MYO18A: variants seen among roughly 807,000 people sequenced by gnomAD.
MYO18A encodes the protein myosin XVIIIA.
A neutral mutation model predicts 235.8 loss-of-function variants in MYO18A; 78 were observed. That is an observed-to-expected ratio of 0.33 (90% CI 0.28 to 0.40). The LOEUF is 0.40. Among genes scored for constraint, MYO18A ranks in the 10% least tolerant of loss-of-function variants. MYO18A has a pLI of 1.00. For missense variants in MYO18A, 2,215 were observed against 2,699.3 expected (o/e 0.82, Z 3.98); for synonymous variants, 977 against 1,077.8 (o/e 0.91, Z 1.83).
chr17:29,160,924 A>C (rs78438131), intron 2 of MYO18A, among the ~76,000 whole-genome samples: 3,214 of 152,284 alleles, frequency 0.021, 48 homozygotes, highest in Non-Finnish European at 0.036. Flanking sequence ...ACATTCTCAA[A>C]AGCTCAGGGA....
intron 2 of MYO18A, among the ~76,000 whole-genome samples, chr17:29,143,176 G>A (rs943295300): frequency 6.6e-6 from 1 of 152,156 alleles, no homozygotes; most frequent in African/African-American, 2.4e-5. Context: ...GTTATTACAT[G>A]GGTTAAAAGA....
chr17:29,119,511 T>C, intron 7 of MYO18A, 76 bp from the exon 8 acceptor site: 1 of 1,031,638 alleles, frequency 9.7e-7, no homozygotes, highest in Non-Finnish European at 1.4e-6. Context: ...TAAGAAGGAA[T>C]CAAACACATG....
chr17:29,082,304 C>T lies in MYO18A; in HGVS notation c.6020+12G>A. On this transcript the variant is annotated intron_variant, in intron 41 of 41. Coordinates refer to ENST00000527372, the MANE Select transcript of MYO18A (RefSeq NM_078471.4). Reference sequence around the variant, plus strand: ...GGTGGCTTTTCCTCCCAGCTCAAGGCCATATGCTCACCTGGAACTCTTTAA... The same window carrying T: ...GGTGGCTTTTCCTCCCAGCTCAAGGTCATATGCTCACCTGGAACTCTTTAA... 1.2e-6 allele frequency: 2 copies of T among 1,613,772 alleles called. No individual in the cohort carries two copies. The highest frequency in any genetic ancestry group is 8.5e-7 in the Non-Finnish European group (1 of 1,179,740).
chr17:29,088,117 G>A (rs903318775), intron 37 of MYO18A, among the ~76,000 whole-genome samples: 4 of 147,512 alleles, frequency 2.7e-5, no homozygotes, highest in African/African-American at 7.6e-5. Flanking sequence ...GCAGTGGCGC[G>A]ATCTCCGCTC....
intron 7 of MYO18A, among the ~76,000 whole-genome samples, chr17:29,119,804 T>A (rs2067154930): frequency 6.6e-6 from 1 of 152,086 alleles, no homozygotes; most frequent in South Asian, 2.1e-4. Flanking sequence ...CCTCAGGTGA[T>A]CCACCCACCT....
chr17:29,137,886 T>C (rs1335179476), intron 2 of MYO18A, among the ~76,000 whole-genome samples: 1 of 152,200 alleles, frequency 6.6e-6, no homozygotes, highest in Non-Finnish European at 1.5e-5. Flanking sequence ...ATGTATTTGT[T>C]ACTTACTGCT....
At chr17:29,086,899 C>T (rs1437309294) in intron 38 of MYO18A, 37 bp downstream of exon 38, 1 of 1,582,848 alleles carries the variant, frequency 6.3e-7, no homozygotes, top group Non-Finnish European at 8.6e-7. Context: ...ACTCAAGGGG[C>T]TGCCATGTGG....
intron 21 of MYO18A, among the ~76,000 whole-genome samples, chr17:29,101,033 T>A (rs1206661851): frequency 2.6e-5 from 4 of 152,254 alleles, no homozygotes; most frequent in Non-Finnish European, 5.9e-5. Flanking sequence ...AGTCTTGCTC[T>A]GTCACCCAGG....
At chr17:29,080,501 G>T in intron 41 of MYO18A, 3 of 986,122 alleles carry the variant, frequency 3.0e-6, no homozygotes, top group Non-Finnish European at 3.6e-6. Flanking sequence ...GGGCTCTCCC[G>T]GCCTAGGCCA....
chr17:29,084,583 G>C (rs558444659), intron 40 of MYO18A, among the ~76,000 whole-genome samples: 9 of 152,324 alleles, frequency 5.9e-5, no homozygotes, highest in African/African-American at 1.7e-4. Context: ...AGTTAACGGG[G>C]AGCCGAATCA....
chr17:29,128,305 C>T, intron 2 of MYO18A: 1 of 1,219,172 alleles, frequency 8.2e-7, no homozygotes, highest in Non-Finnish European at 1.0e-6. Flanking sequence ...CCTTGGCATT[C>T]CCAAGCTCCT....
Position 29,111,903 on chromosome 17 carries a change from C to G in MYO18A, c.2599-40G>C, listed in dbSNP as rs1253256156. ...GGAAATCCCTCCTTGTCATATGGAG[C>G]TGTGGGAAAGGGGCCAGGGTGGTGC... is the stretch of plus-strand genomic sequence containing the variant. On this transcript the variant is annotated intron_variant, in intron 15 of 41. Transcript: ENST00000527372. The surrounding 1 kb of genome is among the most constrained non-coding windows in gnomAD (Gnocchi z 5.1). 6.3e-7 allele frequency: 1 copy of G among 1,589,316 alleles called. No homozygotes were observed. Among genetic ancestry groups the G allele is most frequent in the Non-Finnish European group, 8.6e-7 (1 of 1,167,220 alleles).
At chr17:29,114,850 G>A (rs1240867982) in intron 14 of MYO18A, 57 bp downstream of exon 14, 64 of 1,541,528 alleles carry the variant, frequency 4.2e-5, no homozygotes, top group Admixed American at 7.3e-5. Flanking sequence ...AGATGCCCTC[G>A]CTGTGGGTGC....
At chr17:29,122,738 C>G (rs1317357544) in intron 2 of MYO18A, among the ~76,000 whole-genome samples, 1 of 152,244 alleles carries the variant, frequency 6.6e-6, no homozygotes. Context: ...TGGGAGAGGG[C>G]ATGTCCTCAG....
At chr17:29,108,090 G>T (rs1055365607) in intron 19 of MYO18A, among the ~76,000 whole-genome samples, 5 of 151,956 alleles carry the variant, frequency 3.3e-5, no homozygotes, top group African/African-American at 1.2e-4. Context: ...TATCTCGAAT[G>T]GTAGTCATGG....
chr17:29,149,887 T>C (rs1420309676), intron 2 of MYO18A, among the ~76,000 whole-genome samples: 2 of 152,244 alleles, frequency 1.3e-5, no homozygotes, highest in Non-Finnish European at 2.9e-5. Context: ...ATGTACCACA[T>C]GCACTATGTT....
chr17:29,092,775 T>G lies in MYO18A; in HGVS notation c.5073+80A>C, dbSNP rs994455183. ...TCCTTCCCAAGGACTCAAGAACCACTGAGAGGAGCGAGAGAGAGAAAGAGA... is the reference window on the plus strand; with the variant it reads ...TCCTTCCCAAGGACTCAAGAACCACGGAGAGGAGCGAGAGAGAGAAAGAGA... On this transcript the variant is annotated intron_variant, in intron 33 of 41. Transcript: ENST00000527372. The G allele has an allele frequency of 1.0e-5, 16 of 1,552,068 alleles. No individual in the cohort carries two copies. The Admixed American group carries it at 2.0e-4, about 19-fold the overall frequency.
intron 2 of MYO18A, among the ~76,000 whole-genome samples, chr17:29,163,338 G>T (rs556059375): frequency 6.6e-6 from 1 of 152,308 alleles, no homozygotes; most frequent in Admixed American, 6.5e-5. Flanking sequence ...GCTCACCCTG[G>T]TCCTCTCTGC....
At position 29,103,860 on chromosome 17, in the gene MYO18A, T is replaced by C. The variant is rs561779996; in HGVS notation, c.3442-196A>G. 3.3e-5 allele frequency among the ~76,000 whole-genome samples: 5 copies of C among 152,352 alleles called. No individual in the cohort carries two copies. In the South Asian group the frequency reaches 1.0e-3, roughly 32 times the overall value. ...ATGACTACGAGAGGAACAAACCGTC[T>C]TGCTGGGGAGCAAGACAAGTGAACT... On this transcript the variant is annotated intron_variant, in intron 20 of 41. Coordinates refer to ENST00000527372, the MANE Select transcript of MYO18A (RefSeq NM_078471.4).
Sources: allele counts gnomAD v4.1 joint callset (sites outside exome capture counted in the v4.1 genomes callset), GRCh38; gene constraint gnomAD v4.1.1; non-coding constraint Gnocchi (gnomAD v3.1); transcripts MANE v1.5; gene names NCBI Gene and HGNC (gene_info 2026-07-23, HGNC 2026-07-21).